The following FERMT1 variants were observed in gnomAD, a reference collection of about 807,000 sequenced individuals.
FERMT1 encodes FERM domain containing kindlin 1.
FERMT1 carries 60 observed loss-of-function variants against 85.3 expected under a neutral mutation model. That is an observed-to-expected ratio of 0.70 (90% CI 0.57 to 0.87). The LOEUF (loss-of-function observed/expected upper bound fraction) is 0.87. Ranked by LOEUF, FERMT1 falls within the 40% of genes least tolerant of loss-of-function variation. FERMT1 has a pLI of 0.00. For synonymous variants in FERMT1, 275 were observed against 301.1 expected, an observed-to-expected ratio of 0.91 and a Z score of 0.90; for missense variants, 701 against 818.9, an observed-to-expected ratio of 0.86 and a Z score of 1.76.
At chr20:6,117,436 T>A (rs1983132055) in intron 2 of FERMT1, among the ~76,000 whole-genome samples, 1 of 27,332 alleles carries the variant, frequency 3.7e-5, no homozygotes, top group East Asian at 1.4e-3. Flanking sequence ...GTCAGTCTAA[T>A]TTTTTTTTTT....
At chr20:6,111,977 C>T (rs1252268756) in intron 4 of FERMT1, among the ~76,000 whole-genome samples, 2 of 152,006 alleles carry the variant, frequency 1.3e-5, no homozygotes, top group African/African-American at 4.8e-5. Flanking sequence ...ATCCTCCCAT[C>T]TCAGCCTTCT....
At position 6,076,304 on chromosome 20, in the gene FERMT1, G is replaced by T. The variant is rs928489784; in HGVS notation, c.*869C>A. 3 of 388,562 alleles carry T rather than the reference G, an allele frequency of 7.7e-6. No homozygotes were observed. The highest frequency in any genetic ancestry group is 1.6e-5 in the Non-Finnish European group (3 of 193,380). 24.1% of individuals were successfully genotyped at this position (388,562 alleles called of 1,614,324 possible). A position where few individuals can be genotyped will look rare whatever the true frequency, so the allele number is the denominator to read the frequency against. ...TGACTGGAATCCTTGACACTGGCAG[G>T]TGTTTCTATGAACAGAGAGGACTGT... On this transcript the variant is annotated 3_prime_UTR_variant, in exon 15 of 15. Transcript: ENST00000217289.
chr20:6,096,131 A>G (rs545416636), intron 8 of FERMT1, among the ~76,000 whole-genome samples: 37 of 152,370 alleles, frequency 2.4e-4, no homozygotes, highest in African/African-American at 8.4e-4. Flanking sequence ...AAAAGCATTC[A>G]GAAACTTTTT....
In FERMT1 at chr20:6,085,273, G is replaced by A; in HGVS notation, c.1386C>T (p.Ala462=). Residue 462 remains alanine (A), a synonymous_variant, in exon 12 of 15, where the codon GCC becomes GCT. Transcript: ENST00000217289. ...CCAACATGCAGGCAGCCATCCATTG[G>A]GCGTATTGATTCTCCTGCAGCAAAC... ...YLRCDHENQY[A]QWMAACMLAS... 1 of 1,613,564 alleles carries A rather than the reference G, an allele frequency of 6.2e-7. No homozygotes were observed. The highest frequency in any genetic ancestry group is 8.5e-7 in the Non-Finnish European group (1 of 1,180,012).
chr20:6,079,192 T>C (rs977719125), intron 14 of FERMT1, among the ~76,000 whole-genome samples: 11 of 152,254 alleles, frequency 7.2e-5, no homozygotes, highest in Non-Finnish European at 1.6e-4. Flanking sequence ...AGAACCTGTC[T>C]GTATTGAAAG....
intron 3 of FERMT1, among the ~76,000 whole-genome samples, chr20:6,115,203 T>C (rs541485326): frequency 4.5e-4 from 68 of 152,354 alleles, no homozygotes; most frequent in African/African-American, 1.6e-3. Context: ...AATACCTTCA[T>C]GGGGTGTTTC....
Position 6,075,228 on chromosome 20 carries a change from G to A in FERMT1, c.*1945C>T, listed in dbSNP as rs1276054215. 2.6e-5 allele frequency: 4 copies of A among 152,360 alleles called. No individual in the cohort carries two copies. The highest frequency in any genetic ancestry group is 6.5e-5 in the Admixed American group (1 of 15,294). The allele number at this position is 152,360 out of a possible 1,614,324, so 9.4% of individuals were successfully genotyped here. On this transcript the variant is annotated 3_prime_UTR_variant, in exon 15 of 15. Transcript: ENST00000217289. ...GCTAAGGAAGCATGTTGAACTGAAG[G>A]TCTGGCTTTGGTAAATTAGGCAGAG...
At chr20:6,085,861 C>T (rs545812062) in intron 11 of FERMT1, among the ~76,000 whole-genome samples, 5 of 141,888 alleles carry the variant, frequency 3.5e-5, no homozygotes, top group Non-Finnish European at 7.7e-5. Context: ...AAAAAAAATA[C>T]CAGGTGTGGT....
Position 6,107,391 on chromosome 20 carries a change from A to G in FERMT1, c.849+141T>C, listed in dbSNP as rs1600443391. The G allele has an allele frequency of 7.5e-6, 4 of 529,944 alleles. No individual in the cohort carries two copies. The East Asian group carries it at 1.1e-4, about 15-fold the overall frequency. The allele number at this position is 529,944 out of a possible 1,614,324, so 32.8% of individuals were successfully genotyped here. Reference sequence around the variant, plus strand: ...GATAAAAATTCAGAGACCAGGGTCCATGTATCAGTCTCACCCTGCAGGGCT... The same window carrying G: ...GATAAAAATTCAGAGACCAGGGTCCGTGTATCAGTCTCACCCTGCAGGGCT... On this transcript the variant is annotated intron_variant, in intron 6 of 14. Transcript: ENST00000217289.
chr20:6,088,923 C>G (rs749163915), intron 10 of FERMT1, 42 bp downstream of exon 10: 1 of 1,596,276 alleles, frequency 6.3e-7, no homozygotes, highest in Non-Finnish European at 8.6e-7. Flanking sequence ...CGCGTCTGCC[C>G]TGACTTACGA....
chr20:6,087,078 T>C lies in FERMT1; in HGVS notation c.1371+699A>G, dbSNP rs150861463. On this transcript the variant is annotated intron_variant, in intron 11 of 14. Transcript: ENST00000217289. ...TGGAAGTGACAGTGTGCCAACTTCA[T>C]GCCTAAGCTTTAGGAGGTGCATGTG... 3.1e-3 allele frequency among the ~76,000 whole-genome samples: 466 copies of C among 152,246 alleles called. 5 individuals are homozygous for C. The highest frequency in any genetic ancestry group is 0.01 in the African/African-American group (436 of 41,538).
At chr20:6,097,198 A>G (rs1982528412) in intron 7 of FERMT1, among the ~76,000 whole-genome samples, 165 bp from the exon 8 acceptor site, 1 of 152,190 alleles carries the variant, frequency 6.6e-6, no homozygotes, top group South Asian at 2.1e-4. Context: ...TTTAACCTGA[A>G]TCGTTCTGAG....
chr20:6,092,729 AG>A lies in FERMT1; in HGVS notation c.1139+2209del, dbSNP rs560174327. Reference sequence around the variant, plus strand: ...GCAGCCTTTGCTCATTTCCACCTTTAGGCAGGCGCTTCAGTTCTCACTTCCT... The same window carrying A: ...GCAGCCTTTGCTCATTTCCACCTTTAGCAGGCGCTTCAGTTCTCACTTCCT... On this transcript the variant is annotated intron_variant, in intron 9 of 14. Coordinates refer to ENST00000217289, the MANE Select transcript of FERMT1 (RefSeq NM_017671.5). Among the ~76,000 whole-genome samples the A allele has an allele frequency of 2.0e-5, 3 of 152,246 alleles. No individual in the cohort carries two copies. The East Asian group carries it at 5.8e-4, about 29-fold the overall frequency.
chr20:6,112,162 C>T (rs558451035), intron 4 of FERMT1, among the ~76,000 whole-genome samples: 1 of 152,298 alleles, frequency 6.6e-6, no homozygotes, highest in Non-Finnish European at 1.5e-5. Flanking sequence ...AAGCATGAGG[C>T]ACCGTGACCA....
intron 7 of FERMT1, 126 bp downstream of exon 7, chr20:6,097,398 T>C: frequency 1.3e-6 from 1 of 746,764 alleles, no homozygotes. Context: ...CAGAAAACAA[T>C]TGCTCTCCTT....
intron 13 of FERMT1, among the ~76,000 whole-genome samples, chr20:6,079,857 C>T (rs894474677): frequency 1.3e-5 from 2 of 152,152 alleles, no homozygotes; most frequent in Non-Finnish European, 2.9e-5. Context: ...TGATTACTGA[C>T]TCTGTGTTGG....
At chr20:6,109,400 C>T (rs934888597) in intron 5 of FERMT1, among the ~76,000 whole-genome samples, 5 of 152,086 alleles carry the variant, frequency 3.3e-5, no homozygotes, top group Non-Finnish European at 5.9e-5. Flanking sequence ...TGCACCCAGG[C>T]GGCACGGGGC....
rs1186811348 is a variant in FERMT1, at chr20:6,077,198, TG to T, written c.2008del (p.His670ThrfsTer3). Reference protein sequence around the residue: ...QNETLDEDLFHKLTGGQD With the variant: ...QNETLDEDLFXKLTGGQD ...TCAATCCTGACCGCCGGTCAATTTG[TG>T]GAACAAGTCCTCATCGAGTGTTTCA... On this transcript the variant is annotated frameshift_variant, in exon 15 of 15. Coordinates refer to ENST00000217289, the MANE Select transcript of FERMT1 (RefSeq NM_017671.5). LOFTEE classifies it high-confidence loss of function. The T allele has an allele frequency of 1.9e-6, 3 of 1,614,130 alleles. No individual in the cohort carries two copies. The South Asian group carries it at 3.3e-5, about 18-fold the overall frequency.
At chr20:6,100,348 A>G (rs1028488156) in intron 6 of FERMT1, among the ~76,000 whole-genome samples, 19 of 152,218 alleles carry the variant, frequency 1.2e-4, no homozygotes, top group African/African-American at 4.6e-4. Flanking sequence ...TTATTCATAA[A>G]GTACCACATT....
Sources: gnomAD v4.1 joint callset for allele counts (sites outside exome capture counted in the v4.1 genomes callset) on GRCh38, gnomAD v4.1.1 for gene constraint, MANE v1.5 for transcripts, NCBI Gene and HGNC (gene_info 2026-07-23, HGNC 2026-07-21) for gene names.